Variants in UTRN observed in about 807,000 individuals in gnomAD.
UTRN encodes the protein utrophin, also known as dystrophin-related protein 1.
A neutral mutation model predicts 463.9 loss-of-function variants in UTRN; 283 were observed. The ratio of observed to expected loss-of-function variants is 0.61; its 90% CI spans 0.55 to 0.67. The LOEUF is 0.67. UTRN is among the 30% of genes least tolerant of loss of function. UTRN has a pLI of 0.00. For missense variants in UTRN, 3,922 were observed against 4,084.3 expected (o/e 0.96, Z 1.08); for synonymous variants, 1,442 against 1,431.5 (o/e 1.01, Z -0.17).
intron 2 of UTRN, among the ~76,000 whole-genome samples, chr6:144,348,778 T>C (rs1777827311): frequency 6.6e-6 from 1 of 151,852 alleles, no homozygotes; most frequent in Admixed American, 6.6e-5. Flanking sequence ...CTATTAAAAA[T>C]ACAAAATGAG....
intron 58 of UTRN, among the ~76,000 whole-genome samples, chr6:144,764,429 G>A (rs961615415): frequency 6.6e-6 from 1 of 152,112 alleles, no homozygotes; most frequent in South Asian, 2.1e-4. Flanking sequence ...TCTACATATT[G>A]TTGGGCCATG....
At chr6:144,618,805 G>A (rs1305224118) in intron 51 of UTRN, among the ~76,000 whole-genome samples, 1 of 152,016 alleles carries the variant, frequency 6.6e-6, no homozygotes, top group Non-Finnish European at 1.5e-5. Flanking sequence ...GCATGGTGCT[G>A]TATCATTAAA....
intron 65 of UTRN, among the ~76,000 whole-genome samples, chr6:144,817,556 AT>A (rs1183911944): frequency 2.4e-4 from 36 of 152,032 alleles, no homozygotes; most frequent in African/African-American, 8.4e-4. Context: ...TTACTTTAGC[AT>A]TTTAAAATAG....
chr6:144,638,480 C>A (rs1275524427), intron 51 of UTRN, among the ~76,000 whole-genome samples: 1 of 152,156 alleles, frequency 6.6e-6, no homozygotes, highest in Non-Finnish European at 1.5e-5. Flanking sequence ...TAGGGATTCA[C>A]AGGTAGTAAA....
At chr6:144,523,577 C>G (rs1442018843) in intron 41 of UTRN, among the ~76,000 whole-genome samples, 1 of 152,208 alleles carries the variant, frequency 6.6e-6, no homozygotes, top group African/African-American at 2.4e-5. Context: ...TCCCAAAATG[C>G]TGGGATTACA....
chr6:144,433,947 C>T (rs1382095040), intron 9 of UTRN, among the ~76,000 whole-genome samples: 19 of 152,234 alleles, frequency 1.2e-4, no homozygotes, highest in Non-Finnish European at 2.2e-4. Context: ...GGGTGGCAGC[C>T]GGGCAGAGGC....
intron 39 of UTRN, among the ~76,000 whole-genome samples, chr6:144,518,458 A>T (rs1795819864): frequency 6.6e-6 from 1 of 152,372 alleles, no homozygotes; most frequent in African/African-American, 2.4e-5. Flanking sequence ...TCCTAAACAC[A>T]TCATGTGCCT....
chr6:144,527,058 C>T (rs997750553), intron 41 of UTRN, among the ~76,000 whole-genome samples: 11 of 152,048 alleles, frequency 7.2e-5, no homozygotes, highest in South Asian at 2.1e-4. Context: ...CCTCAGCCTC[C>T]GAAAGTGCTG....
chr6:144,799,370 A>G, intron 64 of UTRN: 1 of 455,560 alleles, frequency 2.2e-6, no homozygotes, highest in South Asian at 1.6e-5. Flanking sequence ...AGGAAAAGAC[A>G]GGTAGGTAGT....
At position 144,487,017 on chromosome 6, in the gene UTRN, C is replaced by T. The variant is rs139286804; in HGVS notation, c.3823-531C>T. ...ATATAAAACAATGCCTCTTATTCTGCATATATTGTAGGAAAATGACTACTT... is the reference window on the plus strand; with the variant it reads ...ATATAAAACAATGCCTCTTATTCTGTATATATTGTAGGAAAATGACTACTT... On this transcript the variant is annotated intron_variant, in intron 28 of 74. Coordinates refer to ENST00000367545, the MANE Select transcript of UTRN (RefSeq NM_007124.3). 5.7e-4 allele frequency among the ~76,000 whole-genome samples: 87 copies of T among 152,192 alleles called. 1 individual carries two copies. Among genetic ancestry groups the T allele is most frequent in the Admixed American group, 4.5e-3 (69 of 15,284 alleles).
At position 144,629,124 on chromosome 6, in the gene UTRN, A is replaced by G. The variant is rs1052063011; in HGVS notation, c.7480-49282A>G. ...GAAAATCTTTCCCTTTGACTGTGAC[A>G]TACAAATCTTCATTGCTTACCTTGA... is the stretch of plus-strand genomic sequence containing the variant. On this transcript the variant is annotated intron_variant, in intron 51 of 74. Transcript: ENST00000367545. Among the ~76,000 whole-genome samples the G allele has an allele frequency of 7.2e-5, 11 of 152,296 alleles. No homozygotes were observed. In the South Asian group the frequency reaches 2.1e-3, roughly 29 times the overall value.
At chr6:144,835,728 A>G in intron 69 of UTRN, 52 bp from the exon 70 acceptor site, 1 of 1,603,106 alleles carries the variant, frequency 6.2e-7, no homozygotes, top group Non-Finnish European at 8.5e-7. Flanking sequence ...TATGTCCAAA[A>G]ACATCACCAT....
intron 51 of UTRN, among the ~76,000 whole-genome samples, chr6:144,627,508 G>C (rs1430611552): frequency 2.0e-5 from 3 of 152,046 alleles, no homozygotes; most frequent in Admixed American, 6.5e-5. Flanking sequence ...CAAATCAGTG[G>C]CATTAGAAAC....
chr6:144,539,592 TAGAC>T, intron 45 of UTRN, 149 bp downstream of exon 45: 1 of 753,226 alleles, frequency 1.3e-6, no homozygotes, highest in Non-Finnish European at 2.0e-6. Context: ...TTATCTGTCA[TAGAC>T]AGAGGCATAT....
At position 144,403,152 on chromosome 6, in the gene UTRN, T is replaced by G; in HGVS notation, c.109T>G (p.Phe37Val). The G allele has an allele frequency of 2.5e-6, 4 of 1,613,664 alleles. No homozygotes were observed. Among genetic ancestry groups the G allele is most frequent in the Non-Finnish European group, 3.4e-6 (4 of 1,179,808 alleles). Residue 37 changes from phenylalanine to valine, a missense_variant, in exon 3 of 75, where the codon TTT becomes GTT. By Grantham distance (50) the Phe-to-Val change is conservative (BLOSUM62 -1). Coordinates refer to ENST00000367545, the MANE Select transcript of UTRN (RefSeq NM_007124.3). ...ACACAATGACGTACAGAAGAAAACC[T>G]TTACCAAATGGATAAATGCTCGATT... ...DEHNDVQKKT[F>V]TKWINARFSK...
intron 10 of UTRN, among the ~76,000 whole-genome samples, chr6:144,436,756 T>C (rs1562396488): frequency 2.1e-5 from 3 of 144,734 alleles, no homozygotes; most frequent in Non-Finnish European, 3.0e-5. Context: ...TTTTATTTTA[T>C]ATATATATTT....
chr6:144,398,043 T>C (rs1205067870), intron 2 of UTRN: 2 of 237,460 alleles, frequency 8.4e-6, no homozygotes, highest in Non-Finnish European at 1.8e-5. Flanking sequence ...TTGCTGATGA[T>C]TGGCATTTGT....
intron 23 of UTRN, among the ~76,000 whole-genome samples, chr6:144,467,660 A>G (rs1047517793): frequency 6.6e-6 from 1 of 152,144 alleles, no homozygotes; most frequent in Non-Finnish European, 1.5e-5. Flanking sequence ...AGGTTTTGAG[A>G]GTACTTTGGA....
chr6:144,342,465 A>AT (rs1777216368), intron 2 of UTRN, among the ~76,000 whole-genome samples: 1 of 152,232 alleles, frequency 6.6e-6, no homozygotes, highest in Non-Finnish European at 1.5e-5. Flanking sequence ...TAGCTGAAAG[A>AT]TAAAAACAAC....
Sources: gnomAD v4.1 joint callset for allele counts (sites outside exome capture counted in the v4.1 genomes callset) on GRCh38, gnomAD v4.1.1 for gene constraint, MANE v1.5 for transcripts, NCBI Gene and HGNC (gene_info 2026-07-23, HGNC 2026-07-21) for gene names.